Variants in CSMD1 observed in about 807,000 individuals in gnomAD.
CSMD1 encodes CUB and Sushi multiple domains 1, also known as CUB and sushi domain-containing protein 1.
Under a neutral mutation model 417.5 loss-of-function variants are expected in CSMD1, and 213 were observed. The ratio of observed to expected loss-of-function variants is 0.51; its 90% CI spans 0.46 to 0.57. The LOEUF (loss-of-function observed/expected upper bound fraction) is 0.57, where lower values mean the gene tolerates loss of function less well. Among genes scored for constraint, CSMD1 ranks in the 20% least tolerant of loss-of-function variants. CSMD1 has a pLI of 0.00. For missense variants in CSMD1, 6,923 were observed against 4,529.7 expected (o/e 1.53, Z -15.17); for synonymous variants, 2,862 against 1,736.8 (o/e 1.65, Z -16.11).
intron 17 of CSMD1, among the ~76,000 whole-genome samples, chr8:3,391,489 C>T (rs1811346431): frequency 1.3e-5 from 2 of 152,084 alleles, no homozygotes; most frequent in Admixed American, 6.5e-5. Flanking sequence ...CATTCTGGAG[C>T]GAGAATGCAA....
At chr8:4,729,803 A>G (rs1178510872) in intron 1 of CSMD1, among the ~76,000 whole-genome samples, 2 of 152,238 alleles carry the variant, frequency 1.3e-5, no homozygotes, top group South Asian at 2.1e-4. Flanking sequence ...ATAATGAAAT[A>G]AAAGTTTTCC....
At chr8:3,602,215 G>A (rs1801397155) in intron 8 of CSMD1, among the ~76,000 whole-genome samples, 1 of 152,042 alleles carries the variant, frequency 6.6e-6, no homozygotes, top group South Asian at 2.1e-4. Context: ...CCATCTTCCT[G>A]ACCAATTAAA....
chr8:2,985,825 A>G (rs1805845643), intron 54 of CSMD1, among the ~76,000 whole-genome samples: 1 of 151,862 alleles, frequency 6.6e-6, no homozygotes, highest in African/African-American at 2.4e-5. Context: ...TTATTCTACA[A>G]GGAAACCGGA....
chr8:4,050,962 G>C (rs952961974), intron 3 of CSMD1, among the ~76,000 whole-genome samples: 4 of 152,100 alleles, frequency 2.6e-5, no homozygotes, highest in East Asian at 1.9e-4. Flanking sequence ...CTTGGTTGGA[G>C]AAAGGCTGCA....
intron 10 of CSMD1, among the ~76,000 whole-genome samples, chr8:3,556,878 C>G (rs965591352): frequency 6.6e-6 from 1 of 152,146 alleles, no homozygotes; most frequent in Non-Finnish European, 1.5e-5. Context: ...ACACTTCGTA[C>G]TTCACAGGAA....
chr8:4,684,975 T>G (rs568400520), intron 1 of CSMD1, among the ~76,000 whole-genome samples: 3 of 152,090 alleles, frequency 2.0e-5, no homozygotes, highest in African/African-American at 4.8e-5. Flanking sequence ...ATTTTAATGA[T>G]AGTAAGAAAA....
rs1390663888 is a variant in CSMD1 at position 3,206,367 on chromosome 8, G to A, written c.4868-747C>T. The stretch of plus-strand genomic sequence containing the variant: ...TGGGGTGTGTGTGTATGTGTGTATT[G>A]GGGGTATGTCTGTGTGTGTGTATGT... On this transcript the variant is annotated intron_variant, in intron 30 of 69. Transcript: ENST00000635120. Among the ~76,000 whole-genome samples, 3 of 135,688 alleles carry A rather than the reference G, an allele frequency of 2.2e-5. No homozygotes were observed. The Admixed American group carries it at 2.3e-4, about 11-fold the overall frequency. 89.0% of individuals were successfully genotyped at this position (135,688 alleles called of 152,430 possible).
chr8:3,458,776 G>C (rs1026156410), intron 12 of CSMD1, among the ~76,000 whole-genome samples: 3 of 152,168 alleles, frequency 2.0e-5, no homozygotes, highest in Non-Finnish European at 4.4e-5. Context: ...GGCTCACCAA[G>C]ATGAAGACAT....
intron 53 of CSMD1, among the ~76,000 whole-genome samples, chr8:2,999,558 C>T (rs553795738): frequency 5.1e-4 from 77 of 152,270 alleles, no homozygotes; most frequent in African/African-American, 1.6e-3. Flanking sequence ...CAGGGAGTGC[C>T]GCTGTTTCTA....
At chr8:3,032,290 G>A (rs765180461) in intron 50 of CSMD1, among the ~76,000 whole-genome samples, 4 of 152,042 alleles carry the variant, frequency 2.6e-5, no homozygotes, top group Non-Finnish European at 4.4e-5. Flanking sequence ...ACTCTGTGAC[G>A]TAATTTGGGA....
intron 3 of CSMD1, among the ~76,000 whole-genome samples, chr8:4,139,015 GA>G (rs1803611210): frequency 2.6e-5 from 4 of 151,928 alleles, no homozygotes; most frequent in Non-Finnish European, 4.4e-5. Flanking sequence ...ATGCAGAAAG[GA>G]CATATGCTGC....
chr8:3,753,745 A>G (rs1797489657), intron 6 of CSMD1, among the ~76,000 whole-genome samples, 185 bp downstream of exon 6: 1 of 152,252 alleles, frequency 6.6e-6, no homozygotes, highest in East Asian at 1.9e-4. Context: ...ATACTGTGAT[A>G]GTGATATAGC....
intron 20 of CSMD1, among the ~76,000 whole-genome samples, chr8:3,359,658 G>A (rs1157630306): frequency 2.0e-5 from 3 of 151,620 alleles, no homozygotes; most frequent in Admixed American, 6.6e-5. Flanking sequence ...ACAGTTAGAA[G>A]GAATATGTTC....
intron 2 of CSMD1, among the ~76,000 whole-genome samples, chr8:4,433,464 G>A (rs1411565191): frequency 1.3e-5 from 2 of 152,136 alleles, no homozygotes; most frequent in South Asian, 2.1e-4. Context: ...CGAGGTCAAC[G>A]CACTGGCTAT....
At chr8:4,237,540 T>A (rs1009571275) in intron 3 of CSMD1, among the ~76,000 whole-genome samples, 1 of 151,946 alleles carries the variant, frequency 6.6e-6, no homozygotes, top group African/African-American at 2.4e-5. Flanking sequence ...ACTACTTTTT[T>A]TTTTTTGTTT....
chr8:3,861,435 G>A (rs947080379), intron 5 of CSMD1, among the ~76,000 whole-genome samples: 2 of 152,166 alleles, frequency 1.3e-5, no homozygotes, highest in African/African-American at 4.8e-5. Flanking sequence ...TCTGACTGGG[G>A]GTACTATGAA....
chr8:3,184,670 G>C (rs1821633948), intron 36 of CSMD1, among the ~76,000 whole-genome samples: 1 of 152,056 alleles, frequency 6.6e-6, no homozygotes, highest in Admixed American at 6.6e-5. Context: ...TAAAATTTTA[G>C]GTCAACTTCC....
intron 4 of CSMD1, among the ~76,000 whole-genome samples, chr8:3,998,777 G>A (rs185337273): frequency 6.6e-6 from 1 of 151,668 alleles, no homozygotes; most frequent in Admixed American, 6.6e-5. Flanking sequence ...AAAGGAAACA[G>A]ATCTTGGTAA....
chr8:4,264,653 G>C (rs560975702), intron 3 of CSMD1, among the ~76,000 whole-genome samples: 257 of 152,272 alleles, frequency 1.7e-3, no homozygotes, highest in African/African-American at 6.0e-3. Flanking sequence ...GTACATGACA[G>C]CCATATTCAC....
Sources: allele counts gnomAD v4.1 joint callset (sites outside exome capture counted in the v4.1 genomes callset), GRCh38; gene constraint gnomAD v4.1.1; transcripts MANE v1.5; gene names NCBI Gene and HGNC (gene_info 2026-07-23, HGNC 2026-07-21).